EIF2AK3: variants seen among roughly 807,000 people sequenced by gnomAD.
EIF2AK3 encodes the protein eukaryotic translation initiation factor 2-alpha kinase 3.
EIF2AK3 carries 50 observed loss-of-function variants against 113.5 expected under a neutral mutation model. The ratio of observed to expected loss-of-function variants is 0.44; its 90% confidence interval spans 0.35 to 0.56. EIF2AK3 has a LOEUF of 0.56. EIF2AK3 is among the 20% of genes least tolerant of loss of function. EIF2AK3 has a pLI of 0.00. For missense variants in EIF2AK3, 1,185 were observed against 1,378.0 expected (o/e 0.86, Z 2.22); for synonymous variants, 448 against 495.4 (o/e 0.90, Z 1.27).
At chr2:88,585,165 C>A (rs1674688594) in intron 9 of EIF2AK3, among the ~76,000 whole-genome samples, 1 of 151,928 alleles carries the variant, frequency 6.6e-6, no homozygotes, top group Admixed American at 6.6e-5. Context: ...AAAACTGACA[C>A]ATAGAGAAGA....
intron 13 of EIF2AK3, 134 bp downstream of exon 13, chr2:88,574,532 C>G: frequency 8.6e-7 from 1 of 1,162,346 alleles, no homozygotes; most frequent in Non-Finnish European, 1.2e-6. Context: ...TTCGAGGCTA[C>G]TTTCTCAGAC....
rs1425459877 is a variant in EIF2AK3 at position 88,576,447 on chromosome 2, T to C, written c.2036+107A>G. On this transcript the variant is annotated intron_variant, in intron 12 of 16. Transcript: ENST00000303236. ...TTCAAAACATGAAACAACAGAACTCTGCTGTTCCTTTTCTTTAAAAAAAAA... is the reference window on the plus strand; with the variant it reads ...TTCAAAACATGAAACAACAGAACTCCGCTGTTCCTTTTCTTTAAAAAAAAA... 4.0e-6 allele frequency: 6 copies of C among 1,492,798 alleles called. No individual in the cohort carries two copies. In the African/African-American group the frequency reaches 8.4e-5, roughly 21 times the overall value. 92.5% of individuals were successfully genotyped at this position (1,492,798 alleles called of 1,614,324 possible).
chr2:88,611,323 A>G (rs1259604204), intron 2 of EIF2AK3, among the ~76,000 whole-genome samples: 1 of 152,156 alleles, frequency 6.6e-6, no homozygotes, highest in Non-Finnish European at 1.5e-5. Flanking sequence ...AAGGGTTACT[A>G]TGAGGATTAC....
intron 2 of EIF2AK3, among the ~76,000 whole-genome samples, chr2:88,600,381 T>C (rs1368357597): frequency 6.6e-6 from 1 of 152,170 alleles, no homozygotes; most frequent in African/African-American, 2.4e-5. Flanking sequence ...GAAAAAAATG[T>C]AGGTTACGGT....
At chr2:88,571,133 CAACA>C in intron 13 of EIF2AK3, 92 bp from the exon 14 acceptor site, 1 of 1,397,514 alleles carries the variant, frequency 7.2e-7, no homozygotes, top group Non-Finnish European at 1.0e-6. Flanking sequence ...AGAAAAAATA[CAACA>C]AACTAGATAT....
chr2:88,606,690 T>G (rs778627760), intron 2 of EIF2AK3, among the ~76,000 whole-genome samples: 2 of 152,220 alleles, frequency 1.3e-5, no homozygotes, highest in Non-Finnish European at 2.9e-5. Flanking sequence ...AAGGGTCTAC[T>G]AATAGACTCT....
intron 15 of EIF2AK3, among the ~76,000 whole-genome samples, chr2:88,561,690 ACAAAAT>A (rs1673964450): frequency 6.6e-6 from 1 of 152,170 alleles, no homozygotes; most frequent in Non-Finnish European, 1.5e-5. Flanking sequence ...GCCCATTTCT[ACAAAAT>A]GAATAAAATA....
At chr2:88,604,776 G>A (rs545860496) in intron 2 of EIF2AK3, among the ~76,000 whole-genome samples, 3 of 152,354 alleles carry the variant, frequency 2.0e-5, no homozygotes, top group East Asian at 3.9e-4. Context: ...AAAATGTGCT[G>A]AGCTACGTGC....
chr2:88,622,871 CTT>C (rs1675761996), intron 1 of EIF2AK3, among the ~76,000 whole-genome samples: 2 of 152,144 alleles, frequency 1.3e-5, no homozygotes, highest in South Asian at 4.1e-4. Flanking sequence ...CATCAGATCA[CTT>C]TGTAAAACGA....
In EIF2AK3 at chr2:88,590,622, A is replaced by G; in HGVS notation, c.1003-17T>C. ...AGTACAAAACTAAACAAAAATGGAA[A>G]AAAGGTCTTAAATAATTCAAGCAGT... is the stretch of plus-strand genomic sequence containing the variant. On this transcript the variant is annotated splice_polypyrimidine_tract_variant and intron_variant, in intron 5 of 16. Transcript: ENST00000303236. The G allele has an allele frequency of 6.2e-7, 1 of 1,611,328 alleles. No homozygotes were observed. The highest frequency in any genetic ancestry group is 2.2e-5 in the East Asian group (1 of 44,758).
intron 11 of EIF2AK3, among the ~76,000 whole-genome samples, chr2:88,577,565 G>C (rs973275135): frequency 6.6e-6 from 1 of 151,216 alleles, no homozygotes; most frequent in Middle Eastern, 3.2e-3. Context: ...TTTTAGTAGA[G>C]ATGAGATTTT....
chr2:88,620,947 CAT>C (rs1458996734), intron 1 of EIF2AK3, among the ~76,000 whole-genome samples: 2 of 152,078 alleles, frequency 1.3e-5, no homozygotes, highest in East Asian at 3.8e-4. Flanking sequence ...GTAGGACAAA[CAT>C]ATTATCTACA....
chr2:88,585,263 A>C (rs773793211), intron 9 of EIF2AK3, among the ~76,000 whole-genome samples: 34 of 152,052 alleles, frequency 2.2e-4, no homozygotes, highest in Non-Finnish European at 4.6e-4. Context: ...GGCTTTCGTG[A>C]CTGCATACGG....
In EIF2AK3 at chr2:88,608,227, G is replaced by A. The variant is rs369916491; in HGVS notation, c.438+5497C>T. Among the ~76,000 whole-genome samples the A allele has an allele frequency of 5.3e-5, 8 of 152,248 alleles. 1 individual carries two copies. In the South Asian group the frequency reaches 1.7e-3, roughly 32 times the overall value. ...GAGAATACATCTTCTCTGGTCTTCT[G>A]AGTTACATCTGTTTCCTCGTCATAA... On this transcript the variant is annotated intron_variant, in intron 2 of 16. Coordinates refer to ENST00000303236, the MANE Select transcript of EIF2AK3 (RefSeq NM_004836.7).
chr2:88,563,978 A>G (rs190742992), intron 14 of EIF2AK3, among the ~76,000 whole-genome samples: 145 of 152,330 alleles, frequency 9.5e-4, no homozygotes, highest in African/African-American at 3.3e-3. Flanking sequence ...AGATAGATAT[A>G]TAATGTGTTA....
At chr2:88,570,400 T>C (rs1361677202) in intron 14 of EIF2AK3, among the ~76,000 whole-genome samples, 2 of 152,216 alleles carry the variant, frequency 1.3e-5, no homozygotes, top group Non-Finnish European at 2.9e-5. Context: ...GTGCTTTTCC[T>C]GTGAAGGCCA....
At chr2:88,568,259 C>T (rs575578212) in intron 14 of EIF2AK3, among the ~76,000 whole-genome samples, 2 of 152,272 alleles carry the variant, frequency 1.3e-5, no homozygotes, top group Middle Eastern at 6.8e-3. Context: ...ATGGATTCCT[C>T]GGGACCCTAA....
intron 10 of EIF2AK3, among the ~76,000 whole-genome samples, chr2:88,581,557 A>G (rs1334526843): frequency 2.0e-5 from 3 of 152,196 alleles, no homozygotes; most frequent in Admixed American, 6.5e-5. Context: ...GGATAGGAGC[A>G]GTCTTTTTAT....
chr2:88,575,999 T>C (rs1486411758), intron 12 of EIF2AK3, among the ~76,000 whole-genome samples: 2 of 152,234 alleles, frequency 1.3e-5, no homozygotes. Context: ...CCTTCCTTCC[T>C]ATAGCACATC....
Sources: allele counts gnomAD v4.1 joint callset (sites outside exome capture counted in the v4.1 genomes callset), GRCh38; gene constraint gnomAD v4.1.1; transcripts MANE v1.5; gene names NCBI Gene and HGNC (gene_info 2026-07-23, HGNC 2026-07-21).